AGPS: variants seen among roughly 807,000 people sequenced by gnomAD.
The protein encoded by AGPS is alkyldihydroxyacetonephosphate synthase, peroxisomal.
A neutral mutation model predicts 90.7 loss-of-function variants in AGPS; 26 were observed. The observed-to-expected ratio is 0.29, with a 90% CI of 0.21 to 0.40. AGPS has a LOEUF of 0.40. Ranked by LOEUF, AGPS falls within the 10% of genes least tolerant of loss-of-function variation. AGPS has a pLI of 1.00. For missense variants in AGPS, 540 were observed against 816.1 expected, an observed-to-expected ratio of 0.66 and a Z score of 4.12; for synonymous variants, 294 against 285.3, an observed-to-expected ratio of 1.03 and a Z score of -0.31.
chr2:177,419,533 A>T (rs1402317978), intron 1 of AGPS, among the ~76,000 whole-genome samples: 1 of 151,904 alleles, frequency 6.6e-6, no homozygotes, highest in Non-Finnish European at 1.5e-5. Flanking sequence ...TTCTTACATG[A>T]TGTGCAAAAT....
At chr2:177,470,090 G>C (rs1687568100) in intron 10 of AGPS, among the ~76,000 whole-genome samples, 1 of 152,182 alleles carries the variant, frequency 6.6e-6, no homozygotes, top group Non-Finnish European at 1.5e-5. Flanking sequence ...AGGGAAGACA[G>C]AAGAGGGGAG....
rs1036262379 is a variant in AGPS, at chr2:177,407,229, A to G, written c.261-13040A>G. Among the ~76,000 whole-genome samples the G allele has an allele frequency of 3.3e-5, 5 of 152,382 alleles. No homozygotes were observed. The East Asian group carries it at 9.6e-4, about 29-fold the overall frequency. On this transcript the variant is annotated intron_variant, in intron 1 of 19. Coordinates refer to ENST00000264167, the MANE Select transcript of AGPS (RefSeq NM_003659.4). Reference sequence around the variant, plus strand: ...ATGATTGTAAAGCCCTTAGCTTTATAGTGTTATGCAATACTGTCATTGTTG... The same window carrying G: ...ATGATTGTAAAGCCCTTAGCTTTATGGTGTTATGCAATACTGTCATTGTTG...
intron 1 of AGPS, among the ~76,000 whole-genome samples, chr2:177,402,332 A>G (rs1685352922): frequency 6.6e-6 from 1 of 152,250 alleles, no homozygotes; most frequent in Admixed American, 6.5e-5. Flanking sequence ...CAGGAAAGCC[A>G]CAAGGAGACT....
chr2:177,394,226 C>T (rs920498503), intron 1 of AGPS, among the ~76,000 whole-genome samples: 1 of 152,140 alleles, frequency 6.6e-6, no homozygotes, highest in Non-Finnish European at 1.5e-5. Flanking sequence ...GAAGGAATAG[C>T]TTAGTAGGTA....
intron 7 of AGPS, among the ~76,000 whole-genome samples, chr2:177,443,426 A>G (rs1055214042): frequency 3.3e-5 from 5 of 152,174 alleles, no homozygotes; most frequent in African/African-American, 1.2e-4. Flanking sequence ...ATAGAATGTC[A>G]TATTTTGAAT....
intron 2 of AGPS, among the ~76,000 whole-genome samples, chr2:177,420,707 A>C (rs1685918892): frequency 6.6e-6 from 1 of 151,812 alleles, no homozygotes; most frequent in African/African-American, 2.4e-5. Flanking sequence ...TTTTATAGGT[A>C]GTTTATTTGT....
chr2:177,446,239 C>T (rs1686767942), intron 8 of AGPS, among the ~76,000 whole-genome samples: 2 of 151,900 alleles, frequency 1.3e-5, no homozygotes, highest in East Asian at 1.9e-4. Flanking sequence ...CTGCAAGCTC[C>T]GCCTCCTGGG....
chr2:177,492,103 T>TATG lies in AGPS; in HGVS notation c.1234-1044_1234-1042dup, dbSNP rs1688281151. Among the ~76,000 whole-genome samples the TATG allele has an allele frequency of 2.6e-5, 4 of 152,098 alleles. No homozygotes were observed. In the South Asian group the frequency reaches 8.3e-4, roughly 32 times the overall value. ...ACCCATCCCCTCCCATTTTCTGATATATGTGTACTTACGTGAATTGTTTTC... is the reference window on the plus strand; with the variant it reads ...ACCCATCCCCTCCCATTTTCTGATATATGATGTGTACTTACGTGAATTGTTTTC... On this transcript the variant is annotated intron_variant, in intron 11 of 19. Transcript: ENST00000264167.
chr2:177,462,583 CCAGCTCATAAAATACGGT>C (rs1423159703), intron 9 of AGPS, among the ~76,000 whole-genome samples: 1 of 151,902 alleles, frequency 6.6e-6, no homozygotes, highest in Non-Finnish European at 1.5e-5. Flanking sequence ...TTCACAGTAT[CCAGCTCATAAAATACGGT>C]CAGCTCTCTA....
At chr2:177,442,265 G>C (rs888990694) in intron 6 of AGPS, 142 bp from the exon 7 acceptor site, 10 of 678,032 alleles carry the variant, frequency 1.5e-5, no homozygotes, top group Admixed American at 4.7e-5. Context: ...GTTAGCATTT[G>C]CAAGTTGTAT....
At chr2:177,475,071 A>G (rs1234426803) in intron 10 of AGPS, among the ~76,000 whole-genome samples, 1 of 152,192 alleles carries the variant, frequency 6.6e-6, no homozygotes, top group Non-Finnish European at 1.5e-5. Context: ...TCCATAGTCT[A>G]TGGACAGATA....
intron 2 of AGPS, among the ~76,000 whole-genome samples, chr2:177,433,587 T>G (rs1686304833): frequency 6.6e-6 from 1 of 152,258 alleles, no homozygotes; most frequent in South Asian, 2.1e-4. Flanking sequence ...CAGTTTGTTC[T>G]TGTCTAGTAA....
chr2:177,537,719 C>G (rs946043468), intron 19 of AGPS, among the ~76,000 whole-genome samples: 2 of 152,200 alleles, frequency 1.3e-5, no homozygotes, highest in Admixed American at 6.6e-5. Context: ...TTCATTTTCT[C>G]TAAAACTTGG....
chr2:177,468,625 T>C, intron 10 of AGPS, 101 bp downstream of exon 10: 1 of 840,626 alleles, frequency 1.2e-6, no homozygotes. Flanking sequence ...AGACATGTTT[T>C]ATATGTTTAA....
chr2:177,445,676 A>C, intron 8 of AGPS, 50 bp downstream of exon 8: 2 of 1,265,178 alleles, frequency 1.6e-6, no homozygotes, highest in Non-Finnish European at 2.2e-6. Flanking sequence ...TTCTAATATC[A>C]ATTCTGATGT....
chr2:177,456,136 G>C (rs889407161), intron 8 of AGPS, among the ~76,000 whole-genome samples: 8 of 152,202 alleles, frequency 5.3e-5, no homozygotes, highest in Admixed American at 5.2e-4. Flanking sequence ...AATGAGCCAT[G>C]ATTGTGCCAT....
intron 11 of AGPS, among the ~76,000 whole-genome samples, 166 bp downstream of exon 11, chr2:177,482,352 T>G (rs1025953285): frequency 6.6e-6 from 1 of 152,088 alleles, no homozygotes; most frequent in Non-Finnish European, 1.5e-5. Context: ...GGTAGTGTTG[T>G]ACAGTCATCC....
intron 10 of AGPS, among the ~76,000 whole-genome samples, chr2:177,469,410 A>G (rs1687546063): frequency 6.6e-6 from 1 of 152,170 alleles, no homozygotes; most frequent in African/African-American, 2.4e-5. Flanking sequence ...GAGGGAAAGT[A>G]TAATAAACTA....
At chr2:177,452,165 T>C (rs1218025231) in intron 8 of AGPS, among the ~76,000 whole-genome samples, 2 of 152,198 alleles carry the variant, frequency 1.3e-5, no homozygotes, top group Non-Finnish European at 2.9e-5. Flanking sequence ...TGCTGCTGTT[T>C]GGTGAAGTAG....
Sources: gnomAD v4.1 joint callset for allele counts (sites outside exome capture counted in the v4.1 genomes callset) on GRCh38, gnomAD v4.1.1 for gene constraint, MANE v1.5 for transcripts, NCBI Gene and HGNC (gene_info 2026-07-23, HGNC 2026-07-21) for gene names.